The following SPEG variants were observed in gnomAD, a reference collection of about 807,000 sequenced individuals.
SPEG encodes the protein striated muscle preferentially expressed protein kinase.
Under a neutral mutation model 300.4 loss-of-function variants are expected in SPEG, and 114 were observed. The ratio of observed to expected loss-of-function variants is 0.38; its 90% CI spans 0.33 to 0.44. The LOEUF is 0.44. Ranked by LOEUF, SPEG falls within the 20% of genes least tolerant of loss-of-function variation. The probability of loss-of-function intolerance (pLI) is 1.00; values close to 1 mark genes in which losing one functional copy is unlikely to be tolerated. For missense variants in SPEG, 4,201 were observed against 4,586.2 expected (o/e 0.92, Z 2.43); for synonymous variants, 1,964 against 2,018.9 (o/e 0.97, Z 0.73).
In SPEG at chr2:219,464,400, G is replaced by C. The variant is rs1487163945; in HGVS notation, c.2706-33G>C. The C allele has an allele frequency of 6.3e-7, 1 of 1,591,906 alleles. No homozygotes were observed. Among genetic ancestry groups the C allele is most frequent in the Non-Finnish European group, 8.5e-7 (1 of 1,173,056 alleles). On this transcript the variant is annotated intron_variant, in intron 8 of 40. Coordinates refer to ENST00000312358, the MANE Select transcript of SPEG (RefSeq NM_005876.5). This position sits in a 1 kb window ranked among gnomAD's most constrained non-coding sequence, Gnocchi z 4.5. ...CCTGTGCACGCACATCAGGCCCCTG[G>C]GCCCTGGGACTGAGTTCTTGCCCCT...
intron 1 of SPEG, among the ~76,000 whole-genome samples, chr2:219,440,625 C>T (rs963378026): frequency 6.6e-6 from 1 of 151,738 alleles, no homozygotes; most frequent in Non-Finnish European, 1.5e-5. Context: ...CTTGCTCTGT[C>T]ACCCAGGTTG....
Position 219,473,136 on chromosome 2 carries a change from C to T in SPEG, c.4147+40C>T. Reference sequence around the variant, plus strand: ...TCCTGTCGGGTGGGGGTGGGAGCTGCTGGGATGGGGAATGGGGGCCCTGTG... The same window carrying T: ...TCCTGTCGGGTGGGGGTGGGAGCTGTTGGGATGGGGAATGGGGGCCCTGTG... On this transcript the variant is annotated intron_variant, in intron 16 of 40. Coordinates refer to ENST00000312358, the MANE Select transcript of SPEG (RefSeq NM_005876.5). This position sits in a 1 kb window ranked among gnomAD's most constrained non-coding sequence, Gnocchi z 4.6. 1.3e-6 allele frequency: 2 copies of T among 1,581,054 alleles called. No homozygotes were observed. Among genetic ancestry groups the T allele is most frequent in the Non-Finnish European group, 1.7e-6 (2 of 1,158,994 alleles).
chr2:219,480,525 C>T lies in SPEG; in HGVS notation c.5343-146C>T. ...TCTGGACCTGTAGGTTCAGGGTCCT[C>T]CCTGAAGAAGCCACTCCTGTGCCCA... On this transcript the variant is annotated intron_variant, in intron 25 of 40. Transcript: ENST00000312358. This position sits in a 1 kb window ranked among gnomAD's most constrained non-coding sequence, Gnocchi z 5.3. 1.2e-6 allele frequency: 1 copy of T among 814,612 alleles called. No homozygotes were observed. The highest frequency in any genetic ancestry group is 1.5e-5 in the South Asian group (1 of 64,862). The allele number at this position is 814,612 out of a possible 1,614,324, so 50.5% of individuals were successfully genotyped here.
intron 30 of SPEG, 24 bp from the exon 31 acceptor site, chr2:219,485,322 A>G (rs1414896950): frequency 1.9e-6 from 3 of 1,596,010 alleles, no homozygotes; most frequent in Non-Finnish European, 2.6e-6. Flanking sequence ...CTGAACAAAT[A>G]CTCACGGGCC....
Position 219,451,485 on chromosome 2 carries a change from A to G in SPEG, c.2258-140A>G. ...AGGGAGGGCAACCTGAGCTTCCCAA[A>G]ATGAGGGCGGACTCTTCCAGATTCC... is the stretch of plus-strand genomic sequence containing the variant. On this transcript the variant is annotated intron_variant, in intron 5 of 40. Coordinates refer to ENST00000312358, the MANE Select transcript of SPEG (RefSeq NM_005876.5). The surrounding 1 kb of genome is among the most constrained non-coding windows in gnomAD (Gnocchi z 6.4). 1 of 1,131,850 alleles carries G rather than the reference A, an allele frequency of 8.8e-7. No individual in the cohort carries two copies. The highest frequency in any genetic ancestry group is 2.8e-5 in the East Asian group (1 of 35,804). The allele number at this position is 1,131,850 out of a possible 1,614,324, so 70.1% of individuals were successfully genotyped here. A position where few individuals can be genotyped will look rare whatever the true frequency, so the allele number is the denominator to read the frequency against.
At chr2:219,466,092 G>T (rs751299381) in intron 9 of SPEG, 23 of 1,596,624 alleles carry the variant, frequency 1.4e-5, no homozygotes, top group Non-Finnish European at 1.9e-5. Context: ...TGCTCCCCCC[G>T]CTACCCTCCG....
chr2:219,473,760 G>C lies in SPEG; in HGVS notation c.4304G>C (p.Gly1435Ala), dbSNP rs1486239546. 2 of 1,614,008 alleles carry C rather than the reference G, an allele frequency of 1.2e-6. No homozygotes were observed. The highest frequency in any genetic ancestry group is 1.3e-5 in the African/African-American group (1 of 75,072). The change falls in exon 18 of 41, where the codon GGT becomes GCT. Residue 1435 changes from glycine (G) to alanine (A), a missense_variant. Gly to Ala is a moderately conservative substitution (Grantham distance 60). Transcript: ENST00000312358. This position sits in a 1 kb window ranked among gnomAD's most constrained non-coding sequence, Gnocchi z 4.6. ...CRGALLEARA[G>A]VYELSQPDDD... ...GGGGCCCTCCTAGAGGCACGGGCCG[G>C]TGTGTACGAGCTGAGCCAGCCAGAT...
Position 219,445,268 on chromosome 2 carries a change from T to G in SPEG, c.815+107T>G. 1 of 1,081,438 alleles carries G rather than the reference T, an allele frequency of 9.2e-7. No homozygotes were observed. The highest frequency in any genetic ancestry group is 1.4e-6 in the Non-Finnish European group (1 of 729,232). 67.0% of individuals were successfully genotyped at this position (1,081,438 alleles called of 1,614,324 possible). A position where few individuals can be genotyped will look rare whatever the true frequency, so the allele number is the denominator to read the frequency against. On this transcript the variant is annotated intron_variant, in intron 3 of 40. Coordinates refer to ENST00000312358, the MANE Select transcript of SPEG (RefSeq NM_005876.5). This position sits in a 1 kb window ranked among gnomAD's most constrained non-coding sequence, Gnocchi z 6.1. ...CACCCATCACCCTGCCCCATCCATC[T>G]CTCTGTGCATTTCTTCACCCCCTGC...
In SPEG at chr2:219,443,326, A is replaced by G. The variant is rs1007464515; in HGVS notation, c.389-1327A>G. On this transcript the variant is annotated intron_variant, in intron 1 of 40. Transcript: ENST00000312358. The surrounding 1 kb of genome is among the most constrained non-coding windows in gnomAD (Gnocchi z 4.6). ...AGGCCCCCTGTGCCCTACAGCTGAGAGAGGACCCAGCAGAAGGGAGGGCGG... is the reference window on the plus strand; with the variant it reads ...AGGCCCCCTGTGCCCTACAGCTGAGGGAGGACCCAGCAGAAGGGAGGGCGG... 16 of 718,944 alleles carry G rather than the reference A, an allele frequency of 2.2e-5. No homozygotes were observed. Among genetic ancestry groups the G allele is most frequent in the Admixed American group, 4.0e-5 (2 of 49,658 alleles). 44.5% of individuals were successfully genotyped at this position (718,944 alleles called of 1,614,324 possible).
In SPEG at chr2:219,488,197, T is replaced by G; in HGVS notation, c.7745T>G (p.Phe2582Cys). The change falls in exon 32 of 41, where the codon TTC becomes TGC. Residue 2582 changes from phenylalanine to cysteine, a missense_variant. Around this residue, in one of 4 missense-constraint regions of SPEG, gnomAD observed 1,578 missense variants for 1,506.0 expected, o/e 1.05. Coordinates refer to ENST00000312358, the MANE Select transcript of SPEG (RefSeq NM_005876.5). ...GHQYVRSESDFPPVFHIKLKD... is the reference protein window; with the variant it reads ...GHQYVRSESDCPPVFHIKLKD... Reference sequence around the variant, plus strand: ...GCTGTCTCTGCTTTTCCTCCAGACTTCCCCCCAGTCTTCCACATCAAACTC... The same window carrying G: ...GCTGTCTCTGCTTTTCCTCCAGACTGCCCCCCAGTCTTCCACATCAAACTC... The G allele has an allele frequency of 6.2e-7, 1 of 1,609,950 alleles. No individual in the cohort carries two copies. The highest frequency in any genetic ancestry group is 2.2e-5 in the East Asian group (1 of 44,806).
chr2:219,463,013 G>A (rs1309834389), intron 8 of SPEG, among the ~76,000 whole-genome samples: 1 of 152,178 alleles, frequency 6.6e-6, no homozygotes, highest in Non-Finnish European at 1.5e-5. Context: ...TTGAAGACCA[G>A]CTTGGGCAAC....
At position 219,443,532 on chromosome 2, in the gene SPEG, C is replaced by G. The variant is rs185904017; in HGVS notation, c.389-1121C>G. ...GAAAGTTGAAAATACTCCCAGGAACCTTTTCTCCTAACCTAACCACTGGGC... is the reference window on the plus strand; with the variant it reads ...GAAAGTTGAAAATACTCCCAGGAACGTTTTCTCCTAACCTAACCACTGGGC... On this transcript the variant is annotated intron_variant, in intron 1 of 40. Coordinates refer to ENST00000312358, the MANE Select transcript of SPEG (RefSeq NM_005876.5). The surrounding 1 kb of genome is among the most constrained non-coding windows in gnomAD (Gnocchi z 4.6). The G allele has an allele frequency of 5.4e-4, 176 of 326,180 alleles. 2 individuals are homozygous for G. The highest frequency in any genetic ancestry group is 3.5e-3 in the African/African-American group (166 of 47,042). The allele number at this position is 326,180 out of a possible 1,614,324, so 20.2% of individuals were successfully genotyped here. A position where few individuals can be genotyped will look rare whatever the true frequency, so the allele number is the denominator to read the frequency against.
Position 219,492,936 on chromosome 2 carries a change from C to A in SPEG, c.*150C>A, listed in dbSNP as rs540052094. 5 of 873,386 alleles carry A rather than the reference C, an allele frequency of 5.7e-6. No individual in the cohort carries two copies. The Admixed American group carries it at 1.0e-4, about 17-fold the overall frequency. The allele number at this position is 873,386 out of a possible 1,614,324, so 54.1% of individuals were successfully genotyped here. ...GCTGGGCTCTTACCTCATAGACCTT[C>A]AAGGACAGAGACCCCAGGGCCTGGA... On this transcript the variant is annotated 3_prime_UTR_variant, in exon 41 of 41. Transcript: ENST00000312358.
Position 219,472,474 on chromosome 2 carries a change from G to A in SPEG, c.3940+143G>A, listed in dbSNP as rs1039897. 413,456 of 688,640 alleles carry A rather than the reference G, an allele frequency of 0.6. 130,460 individuals carry two copies. Among genetic ancestry groups the A allele is most frequent in the East Asian group, 0.74 (27,030 of 36,424 alleles). 42.7% of individuals were successfully genotyped at this position (688,640 alleles called of 1,614,324 possible). On this transcript the variant is annotated intron_variant, in intron 15 of 40. Coordinates refer to ENST00000312358, the MANE Select transcript of SPEG (RefSeq NM_005876.5). ...AATGCTGGTGGGACCAGCTTTGCCC[G>A]TCTTCTCTCCACGTTGCATGGGGCT... is the stretch of plus-strand genomic sequence containing the variant.
rs576756881 is a variant in SPEG at position 219,439,459 on chromosome 2, G to A, written c.388+4094G>A. On this transcript the variant is annotated intron_variant, in intron 1 of 40. Transcript: ENST00000312358. The surrounding 1 kb of genome is among the most constrained non-coding windows in gnomAD (Gnocchi z 4.5). Reference sequence around the variant, plus strand: ...CAGAGCAGGGTCGTAAATGAGAGAAGGGAGAAACTGAACTGAGGCAGGAAA... The same window carrying A: ...CAGAGCAGGGTCGTAAATGAGAGAAAGGAGAAACTGAACTGAGGCAGGAAA... Among the ~76,000 whole-genome samples, 12 of 152,304 alleles carry A rather than the reference G, an allele frequency of 7.9e-5. No homozygotes were observed. In the East Asian group the frequency reaches 2.1e-3, roughly 27 times the overall value.
At position 219,469,029 on chromosome 2, in the gene SPEG, A is replaced by T. The variant is rs752323797; in HGVS notation, c.3472A>T (p.Thr1158Ser). The change falls in exon 12 of 41, where the codon ACA (threonine) becomes TCA (serine). Residue 1158 changes from threonine to serine, a missense_variant. Thr to Ser is a moderately conservative substitution (Grantham distance 58). Around this residue, in one of 4 missense-constraint regions of SPEG, gnomAD observed 1,047 missense variants for 1,356.8 expected, o/e 0.77. Coordinates refer to ENST00000312358, the MANE Select transcript of SPEG (RefSeq NM_005876.5). ...SAQLYVEEPR[T>S]AASGPSSKLE... ...CCAGCTGTATGTAGAAGAGCCCCGGACAGCCGCCTCAGGCCCCAGGTACCA... is the reference window on the plus strand; with the variant it reads ...CCAGCTGTATGTAGAAGAGCCCCGGTCAGCCGCCTCAGGCCCCAGGTACCA... 1 of 1,612,662 alleles carries T rather than the reference A, an allele frequency of 6.2e-7. No homozygotes were observed. The highest frequency in any genetic ancestry group is 8.5e-7 in the Non-Finnish European group (1 of 1,179,396).
chr2:219,488,894 G>A lies in SPEG; in HGVS notation c.8143G>A (p.Val2715Met). ...APCTYTLERR[V>M]DGESVWHPVS... ...TTGCACGTATACGCTGGAGCGGCGA[G>A]TGGATGGTGAGGATGGGGCAGCTGG... is the stretch of plus-strand genomic sequence containing the variant. The change falls in exon 34 of 41, where the codon GTG (valine) becomes ATG (methionine). Residue 2715 changes from valine to methionine, a missense_variant. Transcript: ENST00000312358. The A allele has an allele frequency of 6.3e-7, 1 of 1,584,714 alleles. No individual in the cohort carries two copies. Among genetic ancestry groups the A allele is most frequent in the Non-Finnish European group, 8.6e-7 (1 of 1,165,056 alleles).
intron 3 of SPEG, 107 bp from the exon 4 acceptor site, chr2:219,447,866 AC>A: frequency 9.8e-7 from 1 of 1,020,824 alleles, no homozygotes. Flanking sequence ...GGCCCATGTC[AC>A]CCCCAAGCCT....
At position 219,448,561 on chromosome 2, in the gene SPEG, G is replaced by A. The variant is rs778507387; in HGVS notation, c.1403G>A (p.Arg468His). The change falls in exon 4 of 41, where the codon CGC becomes CAC. Residue 468 changes from arginine (R) to histidine (H), a missense_variant. Transcript: ENST00000312358. ...CCAGGCAGCGTGGCCGAGCGGCGCC[G>A]CCTGTTCCAGCAGAAAGCGGCCTCG... ...RAPGSVAERR[R>H]LFQQKAASLD... 8 of 1,448,538 alleles carry A rather than the reference G, an allele frequency of 5.5e-6. No homozygotes were observed. Among genetic ancestry groups the A allele is most frequent in the Non-Finnish European group, 7.2e-6 (8 of 1,108,920 alleles). The allele number at this position is 1,448,538 out of a possible 1,614,324, so 89.7% of individuals were successfully genotyped here.
Sources: allele counts gnomAD v4.1 joint callset (sites outside exome capture counted in the v4.1 genomes callset), GRCh38; gene constraint gnomAD v4.1.1; regional missense constraint gnomAD v4.1.1; non-coding constraint Gnocchi (gnomAD v3.1); transcripts MANE v1.5; gene names NCBI Gene and HGNC (gene_info 2026-07-23, HGNC 2026-07-21).